CEP170B: variants seen among roughly 807,000 people sequenced by gnomAD.
The protein encoded by CEP170B is centrosomal protein of 170 kDa protein B.
CEP170B carries 55 observed loss-of-function variants against 120.6 expected under a neutral mutation model. The observed-to-expected ratio is 0.46, with a 90% confidence interval of 0.37 to 0.57. The LOEUF (loss-of-function observed/expected upper bound fraction) is 0.57. Ranked by LOEUF, CEP170B falls within the 20% of genes least tolerant of loss-of-function variation. The pLI, the probability that CEP170B is intolerant of heterozygous loss-of-function variation, is 0.00. For synonymous variants in CEP170B, 1,033 were observed against 954.5 expected (o/e 1.08, Z -1.52); for missense variants, 2,212 against 2,253.3 (o/e 0.98, Z 0.37).
intron 4 of CEP170B, 24 bp from the exon 5 acceptor site, chr14:104,878,419 G>C: frequency 6.2e-7 from 1 of 1,611,688 alleles, no homozygotes; most frequent in East Asian, 2.2e-5. Context: ...CTTCTGCTCT[G>C]TGTTCGCCTT....
intron 14 of CEP170B, 132 bp downstream of exon 14, chr14:104,893,267 TC>T: frequency 8.4e-7 from 1 of 1,186,680 alleles, no homozygotes; most frequent in Non-Finnish European, 1.2e-6. Context: ...CTGGAACATG[TC>T]CCCCTGGGTC....
chr14:104,892,874 C>A, intron 13 of CEP170B, 102 bp from the exon 14 acceptor site: 1 of 1,333,826 alleles, frequency 7.5e-7, no homozygotes, highest in Non-Finnish European at 1.0e-6. Flanking sequence ...CCACCTCTGG[C>A]CAGCAGCTGC....
chr14:104,877,558 C>T (rs772289964), intron 3 of CEP170B, among the ~76,000 whole-genome samples: 7 of 152,192 alleles, frequency 4.6e-5, no homozygotes, highest in Admixed American at 6.5e-5. Flanking sequence ...GGGGCCAGCA[C>T]GAGGCTGTAT....
intron 11 of CEP170B, 45 bp downstream of exon 11, chr14:104,886,175 G>A (rs996066649): frequency 8.7e-6 from 13 of 1,489,372 alleles, no homozygotes; most frequent in Non-Finnish European, 1.1e-5. Flanking sequence ...AGGCCGGGGC[G>A]GGCCTCAGGC....
chr14:104,884,660 G>T (rs2078733927), intron 9 of CEP170B, 111 bp downstream of exon 9: 6 of 848,264 alleles, frequency 7.1e-6, no homozygotes, highest in Admixed American at 3.0e-5. Context: ...GGCGATGCCG[G>T]GGGTGGCGAG....
At chr14:104,882,999 C>T in intron 7 of CEP170B, 36 bp from the exon 8 acceptor site, 2 of 1,478,788 alleles carry the variant, frequency 1.4e-6, no homozygotes, top group Non-Finnish European at 1.8e-6. Flanking sequence ...AGGTGGTTAC[C>T]CTGAGGCCCG....
At chr14:104,890,482 ATGAG>A (rs1158503349) in intron 13 of CEP170B, among the ~76,000 whole-genome samples, 1 of 110,350 alleles carries the variant, frequency 9.1e-6, no homozygotes, top group Non-Finnish European at 1.8e-5. Context: ...GGATGGATGA[ATGAG>A]TGGGTTGGTG....
chr14:104,885,489 C>G lies in CEP170B; in HGVS notation c.1891C>G (p.Leu631Val), dbSNP rs1896428649. 6.4e-7 allele frequency: 1 copy of G among 1,566,764 alleles called. No homozygotes were observed. The change falls in exon 10 of 19, where the codon CTG becomes GTG. Residue 631 changes from leucine to valine, a missense_variant. Coordinates refer to ENST00000414716, the MANE Select transcript of CEP170B (RefSeq NM_001112726.3). ...DGGVAQRMAL[L>V]QEFASRPLGA... Reference sequence around the variant, plus strand: ...GGGCGTGGCCCAGCGGATGGCGCTACTGCAGGAGTTTGCCTCCCGGCCACT... The same window carrying G: ...GGGCGTGGCCCAGCGGATGGCGCTAGTGCAGGAGTTTGCCTCCCGGCCACT...
intron 3 of CEP170B, 138 bp from the exon 4 acceptor site, chr14:104,877,747 C>T (rs377381741): frequency 1.1e-5 from 7 of 649,280 alleles, no homozygotes; most frequent in South Asian, 1.8e-5. Flanking sequence ...CATCACTCGC[C>T]GTGGGTTCCA....
intron 3 of CEP170B, among the ~76,000 whole-genome samples, chr14:104,877,614 A>G (rs775544205): frequency 6.6e-6 from 1 of 152,202 alleles, no homozygotes; most frequent in African/African-American, 2.4e-5. Flanking sequence ...AAAGATGCTC[A>G]AAGAGTTCTG....
At chr14:104,876,213 T>C in intron 2 of CEP170B, 43 bp from the exon 3 acceptor site, 1 of 1,543,060 alleles carries the variant, frequency 6.5e-7, no homozygotes, top group Non-Finnish European at 8.8e-7. Flanking sequence ...GGGTGTCACC[T>C]CCTCCCCTGG....
At chr14:104,874,193 C>T (rs979498722) in intron 2 of CEP170B, among the ~76,000 whole-genome samples, 1 of 152,102 alleles carries the variant, frequency 6.6e-6, no homozygotes, top group African/African-American at 2.4e-5. Flanking sequence ...TGGAGGCCTT[C>T]AGGGACAGGT....
At position 104,878,481 on chromosome 14, in the gene CEP170B, G is replaced by C; in HGVS notation, c.313G>C (p.Val105Leu). The C allele has an allele frequency of 6.2e-7, 1 of 1,612,008 alleles. No homozygotes were observed. Among genetic ancestry groups the C allele is most frequent in the Non-Finnish European group, 8.5e-7 (1 of 1,179,734 alleles). Residue 105 changes from valine (V) to leucine (L), a missense_variant, in exon 5 of 19, where the codon GTC becomes CTC. By Grantham distance (32) the Val-to-Leu change is conservative (BLOSUM62 1). Transcript: ENST00000414716. ...TGTGCTGGAGCGTGTGCAGCACCGA[G>C]TCCCGGAGGAGGCACTCAAGGTTAG... ...MYVLERVQHR[V>L]PEEALKHEKY...
Position 104,891,020 on chromosome 14 carries a change from T to G in CEP170B, c.3878+1262T>G, listed in dbSNP as rs1595359288. Among the ~76,000 whole-genome samples the G allele has an allele frequency of 2.6e-5, 3 of 115,376 alleles. No homozygotes were observed. Among genetic ancestry groups the G allele is most frequent in the Admixed American group, 9.3e-5 (1 of 10,806 alleles). 75.7% of individuals were successfully genotyped at this position (115,376 alleles called of 152,430 possible). A position where few individuals can be genotyped will look rare whatever the true frequency, so the allele number is the denominator to read the frequency against. ...GGGTGTGGATGGATGGATGAGTGGG[T>G]GGGTGGATGGATGGATGGATGGATG... On this transcript the variant is annotated intron_variant, in intron 13 of 18. Coordinates refer to ENST00000414716, the MANE Select transcript of CEP170B (RefSeq NM_001112726.3). This position sits in a 1 kb window ranked among gnomAD's most constrained non-coding sequence, Gnocchi z 4.3.
rs1487942551 is a variant in CEP170B, at chr14:104,865,729, C to A, written c.-28+216C>A. Among the ~76,000 whole-genome samples, 1 of 151,976 alleles carries A rather than the reference C, an allele frequency of 6.6e-6. No homozygotes were observed. Among genetic ancestry groups the A allele is most frequent in the African/African-American group, 2.4e-5 (1 of 41,438 alleles). On this transcript the variant is annotated intron_variant, in intron 1 of 18. Coordinates refer to ENST00000414716, the MANE Select transcript of CEP170B (RefSeq NM_001112726.3). This position sits in a 1 kb window ranked among gnomAD's most constrained non-coding sequence, Gnocchi z 6.7. ...CGGGAGGAGCCGCCCCGTTTCTACGCGGCCTGCGGAGGGGGCGGCAAGCCT... is the reference window on the plus strand; with the variant it reads ...CGGGAGGAGCCGCCCCGTTTCTACGAGGCCTGCGGAGGGGGCGGCAAGCCT...
At chr14:104,872,348 G>GC (rs1491179459) in intron 2 of CEP170B, among the ~76,000 whole-genome samples, 1 of 138,464 alleles carries the variant, frequency 7.2e-6, no homozygotes, top group Non-Finnish European at 1.5e-5. Context: ...GCGTGTGTGT[G>GC]CGTGTGTGTG....
chr14:104,880,855 A>T (rs1243391832), intron 6 of CEP170B, among the ~76,000 whole-genome samples: 1 of 145,764 alleles, frequency 6.9e-6, no homozygotes, highest in East Asian at 2.0e-4. Context: ...ACCCCTGTAC[A>T]CACATCTACC....
chr14:104,888,410 G>T (rs1896631906), intron 12 of CEP170B, among the ~76,000 whole-genome samples: 1 of 152,216 alleles, frequency 6.6e-6, no homozygotes, highest in Non-Finnish European at 1.5e-5. Flanking sequence ...GTGGCTCAGT[G>T]AAGGGTGCCA....
chr14:104,872,224 G>A (rs545973884), intron 2 of CEP170B, among the ~76,000 whole-genome samples: 3 of 144,734 alleles, frequency 2.1e-5, no homozygotes, highest in African/African-American at 7.8e-5. Flanking sequence ...TGTACCATGG[G>A]TGTGCCGTGC....
Sources: gnomAD v4.1 joint callset for allele counts (sites outside exome capture counted in the v4.1 genomes callset) on GRCh38, gnomAD v4.1.1 for gene constraint, Gnocchi (gnomAD v3.1) non-coding constraint, MANE v1.5 for transcripts, NCBI Gene and HGNC (gene_info 2026-07-23, HGNC 2026-07-21) for gene names.